AHCTF1: variants seen among roughly 807,000 people sequenced by gnomAD.
AHCTF1 encodes the protein AT-hook containing transcription factor 1, also known as protein ELYS.
A neutral mutation model predicts 248.4 loss-of-function variants in AHCTF1; 24 were observed. The observed-to-expected ratio is 0.10, with a 90% confidence interval of 0.07 to 0.14. The LOEUF is 0.14. Among genes scored for constraint, AHCTF1 ranks in the 10% least tolerant of loss-of-function variants. The pLI is 1.00. For synonymous variants in AHCTF1, 786 were observed against 929.8 expected (o/e 0.85, Z 2.81); for missense variants, 2,206 against 2,636.2 (o/e 0.84, Z 3.57).
At chr1:246,926,991 G>C (rs1416817246) in intron 1 of AHCTF1, among the ~76,000 whole-genome samples, 1 of 151,624 alleles carries the variant, frequency 6.6e-6, no homozygotes, top group African/African-American at 2.4e-5. Context: ...TGGCTAACAA[G>C]GTGAAATCCC....
Position 246,851,156 on chromosome 1 carries a change from G to A in AHCTF1, c.4850C>T (p.Ala1617Val), listed in dbSNP as rs1235454730. The change falls in exon 33 of 36, where the codon GCA (alanine) becomes GTA (valine). Residue 1617 changes from alanine (A) to valine (V), a missense_variant. Physicochemically the swap from Ala to Val is moderately conservative, Grantham distance 64. Coordinates refer to ENST00000648844, the MANE Select transcript of AHCTF1 (RefSeq NM_001323342.2). Reference sequence around the variant, plus strand: ...TTTTTCTTCAGTTGCTGTGTTAGCTGCTTTAGGTAACACATCAGATGATGC... The same window carrying A: ...TTTTTCTTCAGTTGCTGTGTTAGCTACTTTAGGTAACACATCAGATGATGC... ...DFASSDVLPK[A>V]ANTATEEKLV... 1.2e-6 allele frequency: 2 copies of A among 1,613,652 alleles called. No homozygotes were observed. The highest frequency in any genetic ancestry group is 1.7e-6 in the Non-Finnish European group (2 of 1,179,814).
chr1:246,909,626 C>G (rs1284780677), intron 4 of AHCTF1, among the ~76,000 whole-genome samples: 2 of 152,122 alleles, frequency 1.3e-5, no homozygotes, highest in Non-Finnish European at 2.9e-5. Flanking sequence ...AGTGGTCATG[C>G]TGGCAATTCA....
intron 2 of AHCTF1, among the ~76,000 whole-genome samples, chr1:246,917,764 A>G (rs765439191): frequency 4.6e-5 from 7 of 152,184 alleles, no homozygotes; most frequent in Admixed American, 6.6e-5. Context: ...CCATAAGAGA[A>G]AGCCTTCTTT....
chr1:246,927,053 C>T (rs1666978063), intron 1 of AHCTF1, among the ~76,000 whole-genome samples: 2 of 150,728 alleles, frequency 1.3e-5, no homozygotes, highest in Admixed American at 1.3e-4. Context: ...TGACGGGAAC[C>T]TGTAGTCCCA....
At chr1:246,931,249 G>A (rs927444140) in intron 1 of AHCTF1, 31 of 1,549,644 alleles carry the variant, frequency 2.0e-5, no homozygotes, top group Admixed American at 1.2e-4. Flanking sequence ...CAGTGGGAAA[G>A]GGTCGCGGCC....
At position 246,842,411 on chromosome 1, in the gene AHCTF1, G is replaced by A. The variant is rs188943142; in HGVS notation, c.6608+283C>T. 6.9e-4 allele frequency among the ~76,000 whole-genome samples: 104 copies of A among 151,770 alleles called. 1 individual carries two copies. The highest frequency in any genetic ancestry group is 2.4e-3 in the African/African-American group (98 of 41,416). ...AGCCTGGCCAACATGATAAAATGCC[G>A]TCTCTACTAAAAATACAAAAATTAG... On this transcript the variant is annotated intron_variant, in intron 35 of 35. Coordinates refer to ENST00000648844, the MANE Select transcript of AHCTF1 (RefSeq NM_001323342.2).
chr1:246,910,641 A>C (rs997103095), intron 4 of AHCTF1, among the ~76,000 whole-genome samples: 1 of 152,206 alleles, frequency 6.6e-6, no homozygotes, highest in African/African-American at 2.4e-5. Context: ...AAAAATTTAA[A>C]AACTCAGACT....
intron 8 of AHCTF1, among the ~76,000 whole-genome samples, chr1:246,901,664 A>C (rs1232859349): frequency 6.6e-6 from 1 of 152,090 alleles, no homozygotes. Flanking sequence ...CAAAAAATAC[A>C]AAAATTAGCC....
chr1:246,928,690 T>C (rs1667121978), intron 1 of AHCTF1, among the ~76,000 whole-genome samples: 1 of 152,218 alleles, frequency 6.6e-6, no homozygotes, highest in African/African-American at 2.4e-5. Flanking sequence ...CTGCAGTAAC[T>C]GAATTCCACC....
intron 33 of AHCTF1, among the ~76,000 whole-genome samples, chr1:246,844,141 T>C (rs1055245322): frequency 1.3e-5 from 2 of 152,158 alleles, no homozygotes; most frequent in African/African-American, 2.4e-5. Flanking sequence ...TGTAGGACGA[T>C]TGAATGCTTC....
intron 34 of AHCTF1, among the ~76,000 whole-genome samples, chr1:246,843,157 A>G (rs986010348): frequency 6.6e-6 from 1 of 152,218 alleles, no homozygotes; most frequent in Non-Finnish European, 1.5e-5. Context: ...ACACATGGCT[A>G]TTCACAATGA....
chr1:246,881,732 G>A (rs2103116830), intron 21 of AHCTF1, among the ~76,000 whole-genome samples: 2 of 151,394 alleles, frequency 1.3e-5, no homozygotes, highest in South Asian at 4.2e-4. Flanking sequence ...CAGCTACTCA[G>A]GAGGCTGAGG....
intron 7 of AHCTF1, 63 bp from the exon 8 acceptor site, chr1:246,902,738 A>C: frequency 7.1e-7 from 1 of 1,404,550 alleles, no homozygotes; most frequent in Admixed American, 2.4e-5. Flanking sequence ...TCTAAAATTA[A>C]ATATTCTCCA....
At position 246,850,736 on chromosome 1, in the gene AHCTF1, T is replaced by A. The variant is rs1199897960; in HGVS notation, c.5270A>T (p.Glu1757Val). 6 of 1,613,874 alleles carry A rather than the reference T, an allele frequency of 3.7e-6. No homozygotes were observed. The highest frequency in any genetic ancestry group is 5.1e-6 in the Non-Finnish European group (6 of 1,179,856). Residue 1757 changes from glutamate (E) to valine (V), a missense_variant, in exon 33 of 36, where the codon GAA becomes GTA. By Grantham distance (121) the Glu-to-Val change is moderately radical. Around this residue, in one of 6 missense-constraint regions of AHCTF1, gnomAD observed 955 missense variants for 1,055.6 expected, o/e 0.90. Transcript: ENST00000648844. ...QNVNVKSAQQEASADVATPKM... is the reference protein window; with the variant it reads ...QNVNVKSAQQVASADVATPKM... Reference sequence around the variant, plus strand: ...AGGAGTAGCAACATCTGCTGATGCTTCCTGTTGTGCTGATTTGACATTCAC... The same window carrying A: ...AGGAGTAGCAACATCTGCTGATGCTACCTGTTGTGCTGATTTGACATTCAC...
In AHCTF1 at chr1:246,900,155, T is replaced by C. The variant is rs1309079601; in HGVS notation, c.1342A>G (p.Ile448Val). 14 of 1,610,054 alleles carry C rather than the reference T, an allele frequency of 8.7e-6. No homozygotes were observed. The highest frequency in any genetic ancestry group is 4.5e-5 in the East Asian group (2 of 44,794). Reference sequence around the variant, plus strand: ...TTTAAACTTCTCTCATGTACTAATATATCCAAGATGCCATGTGGAGAAGTC... The same window carrying C: ...TTTAAACTTCTCTCATGTACTAATACATCCAAGATGCCATGTGGAGAAGTC... Reference protein sequence around the residue: ...SRTSPHGILDILVHERSLNRG... With the variant: ...SRTSPHGILDVLVHERSLNRG... Residue 448 changes from isoleucine to valine, a missense_variant, in exon 10 of 36, where the codon ATA becomes GTA. By Grantham distance (29) the Ile-to-Val change is conservative. This residue lies in a region of AHCTF1 where 650 missense variants were observed against 870.8 expected (regional missense o/e 0.75). Coordinates refer to ENST00000648844, the MANE Select transcript of AHCTF1 (RefSeq NM_001323342.2).
chr1:246,915,484 T>C (rs986047898), intron 3 of AHCTF1, among the ~76,000 whole-genome samples: 1 of 152,190 alleles, frequency 6.6e-6, no homozygotes, highest in Non-Finnish European at 1.5e-5. Context: ...GTTTCCCAAA[T>C]GCTCCCTGTA....
At chr1:246,887,171 G>A in intron 20 of AHCTF1, 40 bp downstream of exon 20, 1 of 1,553,654 alleles carries the variant, frequency 6.4e-7, no homozygotes, top group South Asian at 1.2e-5. Flanking sequence ...TAAAATTCTA[G>A]TAATTCATGA....
Position 246,920,747 on chromosome 1 carries a change from G to A in AHCTF1, c.-7-2370C>T, listed in dbSNP as rs75810554. Among the ~76,000 whole-genome samples the A allele has an allele frequency of 8.7e-3, 1,311 of 150,176 alleles. 15 individuals carry two copies. Among genetic ancestry groups the A allele is most frequent in the East Asian group, 0.046 (233 of 5,066 alleles). On this transcript the variant is annotated intron_variant, in intron 1 of 35. Coordinates refer to ENST00000648844, the MANE Select transcript of AHCTF1 (RefSeq NM_001323342.2). ...ATCGCACCACTGCACTCCAGCCTGG[G>A]TGACAGAGCAAAACACTGTCTCAAA...
chr1:246,867,894 C>G (rs1287671076), intron 24 of AHCTF1, 83 bp from the exon 25 acceptor site: 2 of 535,952 alleles, frequency 3.7e-6, no homozygotes, highest in Non-Finnish European at 2.7e-6. Flanking sequence ...TGATTACACC[C>G]CCCCCCCCAC....
Sources: gnomAD v4.1 joint callset for allele counts (sites outside exome capture counted in the v4.1 genomes callset) on GRCh38, gnomAD v4.1.1 for gene constraint, gnomAD v4.1.1 regional missense constraint, MANE v1.5 for transcripts, NCBI Gene and HGNC (gene_info 2026-07-23, HGNC 2026-07-21) for gene names.